CDH4: variants seen among roughly 807,000 people sequenced by gnomAD.
CDH4 encodes cadherin 4.
In CDH4, 33 loss-of-function variants were observed where a neutral mutation model predicts 86.0. That is an observed-to-expected ratio of 0.38 (90% CI 0.29 to 0.51). CDH4 has a LOEUF of 0.51. CDH4 is among the 20% of genes least tolerant of loss of function. CDH4 has a pLI of 0.86. For synonymous variants in CDH4, 555 were observed against 549.4 expected, an observed-to-expected ratio of 1.01 and a Z score of -0.14; for missense variants, 1,114 against 1,307.4, an observed-to-expected ratio of 0.85 and a Z score of 2.28.
intron 2 of CDH4, among the ~76,000 whole-genome samples, chr20:61,536,875 G>T (rs2086001319): frequency 6.6e-6 from 1 of 152,206 alleles, no homozygotes; most frequent in South Asian, 2.1e-4. Context: ...GTTCAGCGCA[G>T]GGGCTGGCCC....
At chr20:61,685,385 G>C in intron 2 of CDH4, among the ~76,000 whole-genome samples, 1 of 152,166 alleles carries the variant, frequency 6.6e-6, no homozygotes, top group East Asian at 1.9e-4. Flanking sequence ...CTCCCCACAG[G>C]CTCATGACAG....
intron 4 of CDH4, among the ~76,000 whole-genome samples, chr20:61,813,978 CT>C (rs769989547): frequency 5.9e-5 from 9 of 152,358 alleles, no homozygotes; most frequent in Non-Finnish European, 1.2e-4. Flanking sequence ...CCATACGTGT[CT>C]GGTGCAGGGC....
At chr20:61,479,052 G>T (rs2085554866) in intron 2 of CDH4, among the ~76,000 whole-genome samples, 1 of 151,760 alleles carries the variant, frequency 6.6e-6, no homozygotes, top group Admixed American at 6.6e-5. Context: ...ATGGCCACGT[G>T]GTCTTCTGGC....
chr20:61,513,914 C>T (rs1031794888), intron 2 of CDH4, among the ~76,000 whole-genome samples: 9 of 152,164 alleles, frequency 5.9e-5, no homozygotes, highest in Non-Finnish European at 1.0e-4. Flanking sequence ...TAGAGCCAAG[C>T]GTCCACACCA....
chr20:61,890,849 C>T (rs1489917968), intron 7 of CDH4, among the ~76,000 whole-genome samples: 1 of 152,086 alleles, frequency 6.6e-6, no homozygotes, highest in Non-Finnish European at 1.5e-5. Flanking sequence ...CTACTGTGTG[C>T]CAGGTCTGTA....
In CDH4 at chr20:61,252,596, C is replaced by T; in HGVS notation, c.57+26C>T. 1 of 1,197,398 alleles carries T rather than the reference C, an allele frequency of 8.4e-7. No homozygotes were observed. Among genetic ancestry groups the T allele is most frequent in the Non-Finnish European group, 1.0e-6 (1 of 963,958 alleles). 74.2% of individuals were successfully genotyped at this position (1,197,398 alleles called of 1,614,324 possible). On this transcript the variant is annotated intron_variant, in intron 1 of 15. Transcript: ENST00000614565. The surrounding 1 kb of genome is among the most constrained non-coding windows in gnomAD (Gnocchi z 4.4). Reference sequence around the variant, plus strand: ...GTAAGTTGCCGCCTCCCGCCCCCGCCGTTCGGAAGCCCCGGGCAGCGGGAG... The same window carrying T: ...GTAAGTTGCCGCCTCCCGCCCCCGCTGTTCGGAAGCCCCGGGCAGCGGGAG...
chr20:61,586,545 C>T (rs1161905833), intron 2 of CDH4, among the ~76,000 whole-genome samples: 1 of 152,180 alleles, frequency 6.6e-6, no homozygotes, highest in Non-Finnish European at 1.5e-5. Flanking sequence ...AAGGCAGATG[C>T]CCTTACAGTA....
intron 2 of CDH4, among the ~76,000 whole-genome samples, chr20:61,319,217 C>T (rs1406335226): frequency 1.3e-5 from 2 of 151,706 alleles, no homozygotes; most frequent in African/African-American, 4.8e-5. Flanking sequence ...TATAATAATA[C>T]AATAAGCAGG....
At chr20:61,386,526 G>A (rs6121431) in intron 2 of CDH4, among the ~76,000 whole-genome samples, 37,440 of 152,050 alleles carry the variant, frequency 0.25, 4,988 homozygotes, top group African/African-American at 0.34. Context: ...GGAATGATGC[G>A]GGGGGCCTGG....
chr20:61,808,946 G>A (rs950087258), intron 4 of CDH4, among the ~76,000 whole-genome samples: 4 of 152,260 alleles, frequency 2.6e-5, no homozygotes, highest in African/African-American at 9.6e-5. Context: ...TAAAGATAAT[G>A]TGACTTTCTA....
chr20:61,395,074 A>G (rs2085009353), intron 2 of CDH4, among the ~76,000 whole-genome samples: 1 of 151,318 alleles, frequency 6.6e-6, no homozygotes, highest in Non-Finnish European at 1.5e-5. Context: ...TCCTCCTGGG[A>G]GGACAGGACA....
chr20:61,397,639 C>T (rs754105357), intron 2 of CDH4, among the ~76,000 whole-genome samples: 47 of 152,018 alleles, frequency 3.1e-4, no homozygotes, highest in Non-Finnish European at 4.1e-4. Flanking sequence ...ATTGTATTTT[C>T]CCCATTTCAA....
chr20:61,408,052 A>G (rs866474867), intron 2 of CDH4, among the ~76,000 whole-genome samples: 1 of 152,124 alleles, frequency 6.6e-6, no homozygotes, highest in African/African-American at 2.4e-5. Flanking sequence ...TACAGGGGGA[A>G]GTCTGTTTCC....
chr20:61,667,058 G>A (rs750346581), intron 2 of CDH4, among the ~76,000 whole-genome samples: 10 of 152,250 alleles, frequency 6.6e-5, no homozygotes, highest in Non-Finnish European at 1.2e-4. Context: ...TGGGCATGAC[G>A]CCACCATCTC....
rs186405224 is a variant in CDH4, at chr20:61,687,645, G to A, written c.170-55918G>A. Among the ~76,000 whole-genome samples, 8 of 152,332 alleles carry A rather than the reference G, an allele frequency of 5.3e-5. No individual in the cohort carries two copies. The East Asian group carries it at 1.2e-3, about 22-fold the overall frequency. On this transcript the variant is annotated intron_variant, in intron 2 of 15. Coordinates refer to ENST00000614565, the MANE Select transcript of CDH4 (RefSeq NM_001794.5). ...GGTTTCCTCTCTGCTAAACAAATGC[G>A]TGTAAGTTTTTTAAATTCCCAAGTA...
At chr20:61,513,292 G>A (rs757537215) in intron 2 of CDH4, among the ~76,000 whole-genome samples, 24 of 152,224 alleles carry the variant, frequency 1.6e-4, no homozygotes, top group South Asian at 4.1e-4. Context: ...GGCGCAGGGT[G>A]GAAAGGGAAC....
At chr20:61,767,920 C>T (rs2088719415) in intron 3 of CDH4, among the ~76,000 whole-genome samples, 1 of 152,184 alleles carries the variant, frequency 6.6e-6, no homozygotes, top group Non-Finnish European at 1.5e-5. Flanking sequence ...TGCAGCAGCT[C>T]CGGGAAGCTG....
intron 2 of CDH4, among the ~76,000 whole-genome samples, chr20:61,523,692 A>T (rs759722918): frequency 2.6e-5 from 4 of 152,204 alleles, no homozygotes; most frequent in African/African-American, 9.6e-5. Context: ...AGGGCACCAC[A>T]CGCTTCCGCC....
chr20:61,381,232 C>T (rs1018626062), intron 2 of CDH4, among the ~76,000 whole-genome samples: 10 of 152,186 alleles, frequency 6.6e-5, no homozygotes, highest in South Asian at 6.2e-4. Flanking sequence ...GTCACCAGGA[C>T]GTTTGTGATT....
Sources: allele counts gnomAD v4.1 joint callset (sites outside exome capture counted in the v4.1 genomes callset), GRCh38; gene constraint gnomAD v4.1.1; non-coding constraint Gnocchi (gnomAD v3.1); transcripts MANE v1.5; gene names NCBI Gene and HGNC (gene_info 2026-07-23, HGNC 2026-07-21).